Variants in CALCR observed in about 807,000 individuals in gnomAD.
CALCR encodes the protein calcitonin receptor.
A neutral mutation model predicts 59.5 loss-of-function variants in CALCR; 47 were observed. That is an observed-to-expected ratio of 0.79 (90% CI 0.63 to 1.01). CALCR has a LOEUF of 1.01. Ranked by LOEUF, CALCR falls within the 50% of genes least tolerant of loss-of-function variation. The pLI, the probability that CALCR is intolerant of heterozygous loss-of-function variation, is 0.00. For missense variants in CALCR, 566 were observed against 597.1 expected (o/e 0.95, Z 0.54); for synonymous variants, 213 against 211.3 (o/e 1.01, Z -0.07).
At chr7:93,569,291 T>C (rs1461602300) in intron 2 of CALCR, among the ~76,000 whole-genome samples, 1 of 152,182 alleles carries the variant, frequency 6.6e-6, no homozygotes, top group Non-Finnish European at 1.5e-5. Flanking sequence ...ACTATCTTCC[T>C]GATAAAATGC....
intron 2 of CALCR, among the ~76,000 whole-genome samples, chr7:93,517,317 A>ATCTTTTTTTTTTTT (rs1554404282): frequency 7.0e-5 from 9 of 127,848 alleles, no homozygotes; most frequent in African/African-American, 2.8e-4. Context: ...TTTTTTTTTA[A>ATCTTTTTTTTTTTT]TTTGCTAGCC....
At chr7:93,442,070 A>G (rs1007293601) in intron 9 of CALCR, among the ~76,000 whole-genome samples, 2 of 152,148 alleles carry the variant, frequency 1.3e-5, no homozygotes, top group South Asian at 4.1e-4. Flanking sequence ...CAGAGACCCT[A>G]TGGTCTATGG....
chr7:93,556,871 C>T (rs1287334482), intron 2 of CALCR, among the ~76,000 whole-genome samples: 7 of 151,680 alleles, frequency 4.6e-5, no homozygotes, highest in Admixed American at 1.3e-4. Flanking sequence ...TCTAGATGCA[C>T]CTAAAGATAT....
At chr7:93,480,028 T>C (rs17788216) in intron 3 of CALCR, among the ~76,000 whole-genome samples, 4,152 of 152,004 alleles carry the variant, frequency 0.027, 122 homozygotes, top group Non-Finnish European at 0.038. Flanking sequence ...AAAATATGTT[T>C]TCTGCTCCTC....
intron 2 of CALCR, among the ~76,000 whole-genome samples, chr7:93,550,140 T>C (rs958806141): frequency 1.3e-5 from 2 of 152,186 alleles, no homozygotes; most frequent in African/African-American, 4.8e-5. Flanking sequence ...CAGCATTTAC[T>C]ACATATTCTA....
intron 2 of CALCR, among the ~76,000 whole-genome samples, chr7:93,496,993 T>C (rs1300083041): frequency 6.6e-6 from 1 of 151,508 alleles, no homozygotes; most frequent in African/African-American, 2.4e-5. Context: ...AATATGGCCA[T>C]AAACCCAATT....
At chr7:93,549,984 T>C (rs933482083) in intron 2 of CALCR, among the ~76,000 whole-genome samples, 3 of 152,160 alleles carry the variant, frequency 2.0e-5, no homozygotes, top group African/African-American at 7.2e-5. Context: ...ATGCAATAAT[T>C]TGCTTCAGAA....
chr7:93,450,016 G>T (rs1397751372), intron 8 of CALCR, among the ~76,000 whole-genome samples: 1 of 152,010 alleles, frequency 6.6e-6, no homozygotes, highest in Non-Finnish European at 1.5e-5. Context: ...ATAGGCAAAG[G>T]CTGCCCAAGG....
rs377418079 is a variant in CALCR, at chr7:93,472,401, T to A, written c.403A>T (p.Asn135Tyr). Residue 135 changes from asparagine to tyrosine, a missense_variant, in exon 6 of 14, where the codon AAT (asparagine) becomes TAT (tyrosine). Coordinates refer to ENST00000426151, the MANE Select transcript of CALCR (RefSeq NM_001742.4). ...NRTWSNYTMCNAFTPEKLKNA... is the reference protein window; with the variant it reads ...NRTWSNYTMCYAFTPEKLKNA... The stretch of plus-strand genomic sequence containing the variant: ...TTCAGTTTCTCAGGAGTGAAAGCAT[T>A]GCACATAGTATAGTTGGACCAGGTT... The A allele has an allele frequency of 6.2e-7, 1 of 1,606,692 alleles. No homozygotes were observed. Among genetic ancestry groups the A allele is most frequent in the Non-Finnish European group, 8.5e-7 (1 of 1,174,632 alleles).
chr7:93,534,936 C>T (rs1391038592), intron 2 of CALCR, among the ~76,000 whole-genome samples: 1 of 151,576 alleles, frequency 6.6e-6, no homozygotes, highest in Non-Finnish European at 1.5e-5. Context: ...ATATAGAATC[C>T]AGTAGAGAGA....
intron 11 of CALCR, among the ~76,000 whole-genome samples, chr7:93,436,745 A>G (rs985908153): frequency 2.6e-5 from 4 of 151,954 alleles, no homozygotes; most frequent in Admixed American, 1.3e-4. Flanking sequence ...GGGGGCCTCT[A>G]TTGTTTTGTC....
intron 7 of CALCR, among the ~76,000 whole-genome samples, chr7:93,467,491 C>T (rs574138867): frequency 1.3e-4 from 20 of 151,732 alleles, no homozygotes; most frequent in African/African-American, 4.3e-4. Context: ...TTATTCTCCC[C>T]TTGGTTTAAT....
At chr7:93,467,743 G>A (rs1379860615) in intron 7 of CALCR, among the ~76,000 whole-genome samples, 2 of 151,426 alleles carry the variant, frequency 1.3e-5, no homozygotes, top group African/African-American at 4.8e-5. Flanking sequence ...GGTCATCTGA[G>A]TCTACAAAAG....
chr7:93,574,652 C>T (rs1790082108), intron 1 of CALCR, 40 bp downstream of exon 1: 1 of 152,424 alleles, frequency 6.6e-6, no homozygotes, highest in Admixed American at 6.5e-5. Flanking sequence ...GTTCTTTCCC[C>T]TGGCTTGCTT....
chr7:93,428,040 CA>C (rs757087168), intron 13 of CALCR, among the ~76,000 whole-genome samples: 8 of 152,068 alleles, frequency 5.3e-5, no homozygotes, highest in Non-Finnish European at 1.2e-4. Context: ...TGAGTGCTTG[CA>C]TGAAGGGTAC....
At chr7:93,573,028 T>G (rs1385976518) in intron 2 of CALCR, among the ~76,000 whole-genome samples, 2 of 152,186 alleles carry the variant, frequency 1.3e-5, no homozygotes, top group Non-Finnish European at 2.9e-5. Flanking sequence ...TGAGTAGAAA[T>G]GAGTATCCAC....
chr7:93,541,205 C>T (rs1789128147), intron 2 of CALCR, among the ~76,000 whole-genome samples: 1 of 152,128 alleles, frequency 6.6e-6, no homozygotes, highest in Non-Finnish European at 1.5e-5. Context: ...GATGGAGTCT[C>T]ACTGTGTCGC....
chr7:93,461,912 C>T, intron 7 of CALCR: 1 of 597,650 alleles, frequency 1.7e-6, no homozygotes, highest in Non-Finnish European at 2.9e-6. Context: ...AGTATAATGT[C>T]ATTCACCATG....
At chr7:93,472,536 C>G (rs748537197) in intron 5 of CALCR, 49 bp from the exon 6 acceptor site, 1 of 1,071,730 alleles carries the variant, frequency 9.3e-7, no homozygotes, top group Non-Finnish European at 1.4e-6. Flanking sequence ...AAAATCCCAA[C>G]AAGGAAAAAT....
Sources: gnomAD v4.1 joint callset for allele counts (sites outside exome capture counted in the v4.1 genomes callset) on GRCh38, gnomAD v4.1.1 for gene constraint, MANE v1.5 for transcripts, NCBI Gene and HGNC (gene_info 2026-07-23, HGNC 2026-07-21) for gene names.